FMN1: variants seen among roughly 807,000 people sequenced by gnomAD.
FMN1 encodes formin 1.
FMN1 carries 110 observed loss-of-function variants against 132.4 expected under a neutral mutation model. The observed-to-expected ratio is 0.83, with a 90% CI of 0.71 to 0.97. FMN1 has a LOEUF of 0.97. Among genes scored for constraint, FMN1 ranks in the 50% least tolerant of loss-of-function variants. FMN1 has a pLI of 0.00. For synonymous variants in FMN1, 722 were observed against 651.7 expected (o/e 1.11, Z -1.64); for missense variants, 1,792 against 1,705.3 (o/e 1.05, Z -0.90).
intron 6 of FMN1, among the ~76,000 whole-genome samples, chr15:33,010,600 G>GA (rs1204970018): frequency 1.3e-5 from 2 of 151,918 alleles, no homozygotes; most frequent in African/African-American, 2.4e-5. Context: ...TAATGGATGA[G>GA]AAAAAAGACA....
At chr15:32,941,764 G>C (rs375695929) in intron 9 of FMN1, among the ~76,000 whole-genome samples, 1 of 152,064 alleles carries the variant, frequency 6.6e-6, no homozygotes, top group Non-Finnish European at 1.5e-5. Flanking sequence ...GGGAAGGTAG[G>C]AAACAGCTGG....
At chr15:32,857,244 T>C (rs1221863746) in intron 16 of FMN1, 137 bp from the exon 17 acceptor site, 10 of 675,136 alleles carry the variant, frequency 1.5e-5, no homozygotes, top group East Asian at 2.6e-5. Context: ...AATTCCAGGA[T>C]TGGGGGGCAG....
At chr15:33,160,390 T>G (rs949458484) in intron 3 of FMN1, among the ~76,000 whole-genome samples, 2 of 152,122 alleles carry the variant, frequency 1.3e-5, no homozygotes, top group Non-Finnish European at 2.9e-5. Context: ...CCTGAGCAAA[T>G]GAACTTCAAC....
At chr15:32,868,646 A>G (rs1001892602) in intron 16 of FMN1, among the ~76,000 whole-genome samples, 1 of 152,180 alleles carries the variant, frequency 6.6e-6, no homozygotes, top group Non-Finnish European at 1.5e-5. Flanking sequence ...TGTATAATAC[A>G]TGTAGATGGA....
intron 6 of FMN1, among the ~76,000 whole-genome samples, chr15:33,061,744 C>G (rs1187543715): frequency 6.6e-6 from 1 of 151,898 alleles, no homozygotes; most frequent in Non-Finnish European, 1.5e-5. Context: ...CAATAGAAGG[C>G]CCCCAACAGT....
At chr15:33,006,444 A>T (rs1191940477) in intron 7 of FMN1, among the ~76,000 whole-genome samples, 1 of 152,190 alleles carries the variant, frequency 6.6e-6, no homozygotes, top group African/African-American at 2.4e-5. Context: ...CACTGTTGGT[A>T]GGAATGTAAA....
rs536708394 is a variant in FMN1 at position 33,071,620 on chromosome 15, C to T, written c.2044-6546G>A. The stretch of plus-strand genomic sequence containing the variant: ...GTTCAGTCTAATAGTAATAGCTAGA[C>T]CTGAAACAATTTTGAATGAAAGCCA... On this transcript the variant is annotated intron_variant, in intron 5 of 20. Transcript: ENST00000616417. 7.9e-5 allele frequency among the ~76,000 whole-genome samples: 12 copies of T among 152,230 alleles called. No homozygotes were observed. The South Asian group carries it at 8.3e-4, about 11-fold the overall frequency.
At chr15:33,098,695 G>C (rs2039178241) in intron 4 of FMN1, among the ~76,000 whole-genome samples, 1 of 152,208 alleles carries the variant, frequency 6.6e-6, no homozygotes, top group Non-Finnish European at 1.5e-5. Context: ...AGGTAAAAGA[G>C]TAACAGGAGG....
chr15:33,108,418 G>A (rs1365492967), intron 4 of FMN1, among the ~76,000 whole-genome samples: 1 of 151,762 alleles, frequency 6.6e-6, no homozygotes, highest in African/African-American at 2.4e-5. Flanking sequence ...CATAAGAAGA[G>A]AAAATACATT....
chr15:33,012,686 C>T (rs1457063665), intron 6 of FMN1: 1 of 816,890 alleles, frequency 1.2e-6, no homozygotes, highest in Non-Finnish European at 2.1e-6. Flanking sequence ...AGTGCTTCAT[C>T]CAGCCAAAGA....
chr15:33,029,412 G>A (rs1280339559), intron 6 of FMN1, among the ~76,000 whole-genome samples: 1 of 152,180 alleles, frequency 6.6e-6, no homozygotes, highest in South Asian at 2.1e-4. Context: ...TAGATGTTCT[G>A]AGGGAGATGG....
chr15:32,888,156 G>T lies in FMN1; in HGVS notation c.3835+16C>A, dbSNP rs1165518398. The T allele has an allele frequency of 6.3e-7, 1 of 1,595,190 alleles. No individual in the cohort carries two copies. Among genetic ancestry groups the T allele is most frequent in the Non-Finnish European group, 8.5e-7 (1 of 1,172,074 alleles). The stretch of plus-strand genomic sequence containing the variant: ...AATCTTAGCTATTATCATAATAGCA[G>T]AACAGTTCCTATTACCTTCTAGTTG... On this transcript the variant is annotated intron_variant, in intron 16 of 20. Transcript: ENST00000616417.
chr15:32,785,239 T>G lies in FMN1; in HGVS notation c.4131-8320A>C, dbSNP rs1409613531. ...ATATATTTTTTTTTTTTTTTTTTTG[T>G]AGAGATGAGGTTTCACCATGTTGCC... is the stretch of plus-strand genomic sequence containing the variant. On this transcript the variant is annotated intron_variant, in intron 19 of 20. Transcript: ENST00000616417. Among the ~76,000 whole-genome samples the G allele has an allele frequency of 2.8e-5, 3 of 106,576 alleles. 1 individual carries two copies. The highest frequency in any genetic ancestry group is 5.8e-5 in the Non-Finnish European group (3 of 51,994). 69.9% of individuals were successfully genotyped at this position (106,576 alleles called of 152,430 possible).
intron 7 of FMN1, among the ~76,000 whole-genome samples, chr15:33,004,585 T>C (rs1443715874): frequency 1.3e-5 from 2 of 152,078 alleles, no homozygotes; most frequent in Non-Finnish European, 2.9e-5. Flanking sequence ...TTTACACTGT[T>C]GGTGGGACTG....
chr15:32,801,531 C>T (rs1456898430), intron 18 of FMN1, among the ~76,000 whole-genome samples: 1 of 152,038 alleles, frequency 6.6e-6, no homozygotes, highest in Non-Finnish European at 1.5e-5. Flanking sequence ...CTTTGGGAGG[C>T]CGAGGCGGGT....
chr15:33,118,163 C>T (rs560278577), intron 4 of FMN1, among the ~76,000 whole-genome samples: 14 of 152,152 alleles, frequency 9.2e-5, no homozygotes, highest in South Asian at 4.1e-4. Flanking sequence ...GTTTGCAAAC[C>T]TAAACTTATA....
At chr15:32,935,125 G>T (rs1165531097) in intron 9 of FMN1, among the ~76,000 whole-genome samples, 2 of 152,080 alleles carry the variant, frequency 1.3e-5, no homozygotes, top group African/African-American at 4.8e-5. Flanking sequence ...GTTTCACCAT[G>T]TTGGGAAGGC....
chr15:33,165,242 G>A (rs931606058), intron 3 of FMN1, among the ~76,000 whole-genome samples: 1 of 152,144 alleles, frequency 6.6e-6, no homozygotes, highest in Admixed American at 6.5e-5. Context: ...TTTTAGATAT[G>A]TGAACACATT....
chr15:32,890,927 TGAG>T (rs993726799), intron 15 of FMN1, among the ~76,000 whole-genome samples: 28 of 152,198 alleles, frequency 1.8e-4, no homozygotes, highest in African/African-American at 5.8e-4. Flanking sequence ...AGGTGAGAGA[TGAG>T]GATCCAGTTT....
Sources: allele counts gnomAD v4.1 joint callset (sites outside exome capture counted in the v4.1 genomes callset), GRCh38; gene constraint gnomAD v4.1.1; transcripts MANE v1.5; gene names NCBI Gene and HGNC (gene_info 2026-07-23, HGNC 2026-07-21).